Variants in SDK1 observed in about 807,000 individuals in gnomAD.
SDK1 encodes the protein sidekick cell adhesion molecule 1, also known as protein sidekick-1.
A neutral mutation model predicts 245.5 loss-of-function variants in SDK1; 157 were observed. The ratio of observed to expected loss-of-function variants is 0.64; its 90% CI spans 0.56 to 0.73. SDK1 has a LOEUF of 0.73. Ranked by LOEUF, SDK1 falls within the 30% of genes least tolerant of loss-of-function variation. The pLI is 0.00. For missense variants in SDK1, 3,583 were observed against 3,002.3 expected (o/e 1.19, Z -4.52); for synonymous variants, 1,647 against 1,278.5 (o/e 1.29, Z -6.15).
Position 4,051,606 on chromosome 7 carries a change from C to T in SDK1, c.2719-32C>T, listed in dbSNP as rs767281078. On this transcript the variant is annotated intron_variant, in intron 18 of 44. Coordinates refer to ENST00000404826, the MANE Select transcript of SDK1 (RefSeq NM_152744.4). ...GAGTGTGGAGAAATGCCATTGAAAACAGGCTGTCTTTTTCACCCTGTTCCA... is the reference window on the plus strand; with the variant it reads ...GAGTGTGGAGAAATGCCATTGAAAATAGGCTGTCTTTTTCACCCTGTTCCA... The T allele has an allele frequency of 4.4e-5, 69 of 1,583,232 alleles. No individual in the cohort carries two copies. In the East Asian group the frequency reaches 1.5e-3, roughly 34 times the overall value.
chr7:3,424,197 C>T (rs1779613267), intron 1 of SDK1, among the ~76,000 whole-genome samples: 2 of 152,166 alleles, frequency 1.3e-5, no homozygotes, highest in Admixed American at 6.5e-5. Flanking sequence ...TAGGCGTGAG[C>T]CACCATGCCC....
chr7:3,938,126 C>T lies in SDK1; in HGVS notation c.848-12797C>T, dbSNP rs535380043. Among the ~76,000 whole-genome samples, 14 of 152,286 alleles carry T rather than the reference C, an allele frequency of 9.2e-5. No individual in the cohort carries two copies. The South Asian group carries it at 2.3e-3, about 25-fold the overall frequency. On this transcript the variant is annotated intron_variant, in intron 5 of 44. Transcript: ENST00000404826. The stretch of plus-strand genomic sequence containing the variant: ...TGCTGGGATTACAGGCATAAGCTAC[C>T]GCACCTGGCTTCCAGGCCATTTCTT...
intron 4 of SDK1, among the ~76,000 whole-genome samples, chr7:3,779,572 C>T (rs954768129): frequency 1.3e-5 from 2 of 152,052 alleles, no homozygotes; most frequent in African/African-American, 4.8e-5. Flanking sequence ...TATTGCTTCT[C>T]CTTTTCTCTA....
chr7:3,980,442 C>T (rs543316291), intron 13 of SDK1, among the ~76,000 whole-genome samples: 17 of 152,294 alleles, frequency 1.1e-4, no homozygotes, highest in Admixed American at 7.8e-4. Context: ...TTATCAGCCT[C>T]TGTGCTTATC....
At chr7:3,475,923 C>G (rs148588236) in intron 1 of SDK1, 3 of 152,530 alleles carry the variant, frequency 2.0e-5, no homozygotes, top group Non-Finnish European at 4.4e-5. Flanking sequence ...TTTTGACTTT[C>G]CCTTTAAAAT....
chr7:4,223,761 G>T (rs963595123), intron 40 of SDK1, among the ~76,000 whole-genome samples: 1 of 152,160 alleles, frequency 6.6e-6, no homozygotes, highest in Admixed American at 6.5e-5. Flanking sequence ...GCAGTGGGGG[G>T]CAGAGACATA....
chr7:3,808,531 C>G (rs192205803), intron 4 of SDK1, among the ~76,000 whole-genome samples: 1 of 152,206 alleles, frequency 6.6e-6, no homozygotes, highest in African/African-American at 2.4e-5. Context: ...AATCCCAGCC[C>G]GACCTGCACC....
chr7:3,562,949 C>A (rs1779793196), intron 1 of SDK1, among the ~76,000 whole-genome samples: 1 of 150,780 alleles, frequency 6.6e-6, no homozygotes, highest in Non-Finnish European at 1.5e-5. Flanking sequence ...AGTCCCCTGG[C>A]AAAGTTCATT....
At chr7:3,788,366 G>C (rs928996485) in intron 4 of SDK1, among the ~76,000 whole-genome samples, 1 of 152,178 alleles carries the variant, frequency 6.6e-6, no homozygotes, top group African/African-American at 2.4e-5. Context: ...GAGAAATGCA[G>C]TCTCGTGCTT....
At chr7:3,768,635 A>C (rs1780323181) in intron 4 of SDK1, among the ~76,000 whole-genome samples, 1 of 152,220 alleles carries the variant, frequency 6.6e-6, no homozygotes, top group Admixed American at 6.5e-5. Flanking sequence ...TTACACGCCT[A>C]GTCTCACATA....
At chr7:3,936,716 A>C (rs1440398770) in intron 5 of SDK1, among the ~76,000 whole-genome samples, 1 of 152,206 alleles carries the variant, frequency 6.6e-6, no homozygotes, top group African/African-American at 2.4e-5. Flanking sequence ...TTTAACCCCA[A>C]TGGGGGGAAA....
chr7:3,927,262 C>T (rs536201519), intron 5 of SDK1, among the ~76,000 whole-genome samples: 25 of 152,288 alleles, frequency 1.6e-4, no homozygotes, highest in African/African-American at 5.8e-4. Context: ...CCAAAGCAAC[C>T]ATATTGCTAA....
chr7:3,460,231 G>C (rs953611005), intron 1 of SDK1, among the ~76,000 whole-genome samples: 1 of 152,062 alleles, frequency 6.6e-6, no homozygotes, highest in South Asian at 2.1e-4. Context: ...AGTACATGTG[G>C]GTCACAACCT....
At chr7:3,869,479 T>A (rs918543278) in intron 5 of SDK1, among the ~76,000 whole-genome samples, 9 of 152,026 alleles carry the variant, frequency 5.9e-5, no homozygotes, top group Non-Finnish European at 1.0e-4. Flanking sequence ...CCTCTAAGAT[T>A]TCAGTCAGGT....
rs1257795961 is a variant in SDK1 at position 4,253,327 on chromosome 7, GTTT to G, written c.6381+7525_6381+7527del. On this transcript the variant is annotated intron_variant, in intron 44 of 44. Coordinates refer to ENST00000404826, the MANE Select transcript of SDK1 (RefSeq NM_152744.4). ...AATCTCATAAGTTTTAATATGTTGTGTTTTTGTTTTCACTCATCTCAAAATATT... is the reference window on the plus strand; with the variant it reads ...AATCTCATAAGTTTTAATATGTTGTGTTGTTTTCACTCATCTCAAAATATT... Among the ~76,000 whole-genome samples the G allele has an allele frequency of 5.3e-5, 8 of 152,070 alleles. No homozygotes were observed. In the East Asian group the frequency reaches 1.5e-3, roughly 29 times the overall value.
In SDK1 at chr7:3,969,254, T is replaced by C. The variant is rs1562591456; in HGVS notation, c.1547-3T>C. 1 of 1,592,068 alleles carries C rather than the reference T, an allele frequency of 6.3e-7. No individual in the cohort carries two copies. Among genetic ancestry groups the C allele is most frequent in the Non-Finnish European group, 8.6e-7 (1 of 1,168,746 alleles). ...CATGCCTCTTTTCTCCACTGTTCTTTAGAAAACCACATTCTGGCCAGTGGC... is the reference window on the plus strand; with the variant it reads ...CATGCCTCTTTTCTCCACTGTTCTTCAGAAAACCACATTCTGGCCAGTGGC... On this transcript the variant is annotated splice_region_variant and splice_polypyrimidine_tract_variant and intron_variant, in intron 10 of 44. Coordinates refer to ENST00000404826, the MANE Select transcript of SDK1 (RefSeq NM_152744.4).
chr7:3,728,732 A>G (rs911176450), intron 4 of SDK1, among the ~76,000 whole-genome samples: 2 of 152,088 alleles, frequency 1.3e-5, no homozygotes, highest in African/African-American at 2.4e-5. Context: ...CAGCCTCCCA[A>G]GTAGCTGGGA....
chr7:3,845,195 C>T (rs1780246297), intron 5 of SDK1, among the ~76,000 whole-genome samples: 1 of 152,124 alleles, frequency 6.6e-6, no homozygotes, highest in South Asian at 2.1e-4. Context: ...AGGTTGTTAA[C>T]CAAACCCATT....
chr7:3,474,987 A>T (rs1176044816), intron 1 of SDK1, among the ~76,000 whole-genome samples: 2 of 152,192 alleles, frequency 1.3e-5, no homozygotes, highest in African/African-American at 2.4e-5. Flanking sequence ...CACCGTGTCC[A>T]GCCCTGACCC....
Sources: gnomAD v4.1 joint callset for allele counts (sites outside exome capture counted in the v4.1 genomes callset) on GRCh38, gnomAD v4.1.1 for gene constraint, MANE v1.5 for transcripts, NCBI Gene and HGNC (gene_info 2026-07-23, HGNC 2026-07-21) for gene names.